CDH18: variants seen among roughly 807,000 people sequenced by gnomAD.
CDH18 encodes the protein cadherin-18.
Under a neutral mutation model 67.9 loss-of-function variants are expected in CDH18, and 31 were observed. The observed-to-expected ratio is 0.46, with a 90% confidence interval of 0.34 to 0.62. The LOEUF (loss-of-function observed/expected upper bound fraction) is 0.62. Ranked by LOEUF, CDH18 falls within the 20% of genes least tolerant of loss-of-function variation. The pLI is 0.01. For missense variants in CDH18, 890 were observed against 975.5 expected (o/e 0.91, Z 1.17); for synonymous variants, 362 against 347.2 (o/e 1.04, Z -0.48).
chr5:19,499,728 C>A (rs1455840342), intron 11 of CDH18, among the ~76,000 whole-genome samples: 2 of 151,800 alleles, frequency 1.3e-5, no homozygotes, highest in African/African-American at 2.4e-5. Flanking sequence ...TTTCTGATTT[C>A]TTTCTCAATT....
chr5:20,313,273 A>C (rs930689807), intron 1 of CDH18, among the ~76,000 whole-genome samples: 8 of 152,062 alleles, frequency 5.3e-5, no homozygotes, highest in Non-Finnish European at 1.2e-4. Flanking sequence ...TTTATTCTTA[A>C]ATGAGATGGT....
At chr5:19,699,559 T>C (rs950914372) in intron 5 of CDH18, among the ~76,000 whole-genome samples, 2 of 151,990 alleles carry the variant, frequency 1.3e-5, no homozygotes, top group African/African-American at 4.8e-5. Context: ...ATGGGATCAG[T>C]TCTCTTATAA....
At chr5:20,140,039 C>G (rs907394423) in intron 2 of CDH18, among the ~76,000 whole-genome samples, 2 of 152,084 alleles carry the variant, frequency 1.3e-5, no homozygotes, top group African/African-American at 4.8e-5. Context: ...TGTGGTACTA[C>G]TCACAAGAGC....
intron 11 of CDH18, among the ~76,000 whole-genome samples, chr5:19,502,323 T>G (rs1322810117): frequency 6.6e-6 from 1 of 152,168 alleles, no homozygotes; most frequent in African/African-American, 2.4e-5. Context: ...ACATACCATA[T>G]GGCTTAATGT....
At chr5:20,473,033 G>A (rs189698508) in intron 1 of CDH18, among the ~76,000 whole-genome samples, 127 of 152,188 alleles carry the variant, frequency 8.3e-4, no homozygotes, top group African/African-American at 3.0e-3. Flanking sequence ...ATGGTTATGA[G>A]TAGACATTAA....
At chr5:19,923,179 C>T (rs796202734) in intron 2 of CDH18, among the ~76,000 whole-genome samples, 16 of 152,266 alleles carry the variant, frequency 1.1e-4, no homozygotes, top group African/African-American at 3.8e-4. Context: ...CTGACAGGCA[C>T]ATCTAAGCCC....
intron 1 of CDH18, among the ~76,000 whole-genome samples, chr5:20,532,489 C>T (rs188817410): frequency 1.1e-4 from 17 of 152,020 alleles, no homozygotes; most frequent in African/African-American, 3.4e-4. Flanking sequence ...TATACTATTT[C>T]GATCAAAACT....
At chr5:20,058,397 A>G (rs1742177895) in intron 2 of CDH18, among the ~76,000 whole-genome samples, 1 of 152,088 alleles carries the variant, frequency 6.6e-6, no homozygotes, top group Non-Finnish European at 1.5e-5. Context: ...ATTTATTTGG[A>G]CCACAATGAA....
chr5:20,219,476 A>G (rs921981322), intron 2 of CDH18, among the ~76,000 whole-genome samples: 1 of 151,208 alleles, frequency 6.6e-6, no homozygotes. Flanking sequence ...AACTTATTGT[A>G]TGAGGCTAGT....
chr5:19,994,247 A>ATATG (rs1225356981), intron 2 of CDH18, among the ~76,000 whole-genome samples: 1 of 138,990 alleles, frequency 7.2e-6, no homozygotes, highest in Non-Finnish European at 1.5e-5. Flanking sequence ...ACACACACAT[A>ATATG]TACACATATA....
At chr5:20,179,333 A>G (rs1737497040) in intron 2 of CDH18, among the ~76,000 whole-genome samples, 1 of 152,160 alleles carries the variant, frequency 6.6e-6, no homozygotes, top group Non-Finnish European at 1.5e-5. Context: ...AACTTACCTG[A>G]CATTAAGAAT....
intron 1 of CDH18, 78 bp from the exon 2 acceptor site, chr5:19,981,256 C>A (rs945486301): frequency 6.6e-6 from 1 of 152,130 alleles, no homozygotes; most frequent in Non-Finnish European, 1.5e-5. Flanking sequence ...TGATCAAATA[C>A]CATCCATACT....
intron 1 of CDH18, among the ~76,000 whole-genome samples, chr5:20,376,783 G>A (rs780241442): frequency 1.5e-4 from 23 of 151,944 alleles, no homozygotes; most frequent in Non-Finnish European, 3.1e-4. Flanking sequence ...TTGGGAGGCC[G>A]AGGCGGGAGG....
At chr5:20,052,904 G>T (rs995392629) in intron 2 of CDH18, among the ~76,000 whole-genome samples, 21 of 152,076 alleles carry the variant, frequency 1.4e-4, no homozygotes, top group African/African-American at 4.8e-4. Context: ...AATCACATAT[G>T]ATGTTTCCTC....
chr5:20,412,088 C>G (rs1266432092), intron 1 of CDH18, among the ~76,000 whole-genome samples: 3 of 152,010 alleles, frequency 2.0e-5, no homozygotes, highest in Admixed American at 2.0e-4. Context: ...CGGTCCTAAG[C>G]AAAAATAGCA....
intron 11 of CDH18, among the ~76,000 whole-genome samples, chr5:19,489,039 C>T (rs567823246): frequency 1.1e-4 from 16 of 152,164 alleles, no homozygotes; most frequent in African/African-American, 3.9e-4. Flanking sequence ...CCATCTGCCA[C>T]ACTCCTTCCT....
chr5:20,250,165 G>T (rs568868834), intron 2 of CDH18, among the ~76,000 whole-genome samples: 41 of 152,174 alleles, frequency 2.7e-4, no homozygotes, highest in African/African-American at 8.2e-4. Flanking sequence ...CATGGTTAGG[G>T]CTTAATTTAC....
intron 1 of CDH18, among the ~76,000 whole-genome samples, chr5:20,321,076 C>T (rs75447146): frequency 0.022 from 3,279 of 152,104 alleles, 83 homozygotes; most frequent in African/African-American, 0.056. Flanking sequence ...TCTCTTTTTC[C>T]GCTGGAAATA....
intron 1 of CDH18, among the ~76,000 whole-genome samples, chr5:20,310,983 A>G (rs1048302772): frequency 6.6e-6 from 1 of 152,200 alleles, no homozygotes; most frequent in Non-Finnish European, 1.5e-5. Flanking sequence ...TTCAATCCCT[A>G]TATTAATAAC....
Sources: allele counts gnomAD v4.1 joint callset (sites outside exome capture counted in the v4.1 genomes callset), GRCh38; gene constraint gnomAD v4.1.1; transcripts MANE v1.5; gene names NCBI Gene and HGNC (gene_info 2026-07-23, HGNC 2026-07-21).